The following TEX9 variants were observed in gnomAD, a reference collection of about 807,000 sequenced individuals.
TEX9 encodes the protein testis-expressed protein 9.
In TEX9, 74 loss-of-function variants were observed where a neutral mutation model predicts 59.6. That is an observed-to-expected ratio of 1.24 (90% confidence interval 1.03 to 1.51). The LOEUF is 1.51. TEX9 is among the 40% of genes most tolerant of loss of function. The probability of loss-of-function intolerance (pLI) is 0.00; values close to 1 mark genes in which losing one functional copy is unlikely to be tolerated. For synonymous variants in TEX9, 186 were observed against 152.2 expected, an observed-to-expected ratio of 1.22 and a Z score of -1.64; for missense variants, 522 against 447.8, an observed-to-expected ratio of 1.17 and a Z score of -1.49.
chr15:56,388,493 G>T, exon 5 of TEX9: 1 of 1,611,432 alleles, frequency 6.2e-7, no homozygotes. Context: ...CATCTGAAGG[G>T]ATAGTTCATC....
At chr15:56,334,779 A>G (rs1334735263) in intron 1 of TEX9, among the ~76,000 whole-genome samples, 3 of 152,322 alleles carry the variant, frequency 2.0e-5, no homozygotes, top group East Asian at 3.9e-4. Context: ...TAACCAGAAT[A>G]TATAAGGAGC....
chr15:56,402,717 T>C (rs550722326), intron 9 of TEX9, among the ~76,000 whole-genome samples: 145 of 152,264 alleles, frequency 9.5e-4, no homozygotes, highest in African/African-American at 3.4e-3. Context: ...TGATGAACAT[T>C]GATGCAAAAA....
intron 1 of TEX9, among the ~76,000 whole-genome samples, chr15:56,339,397 A>AAAC (rs1555434467): frequency 4.9e-5 from 3 of 61,024 alleles, no homozygotes; most frequent in Non-Finnish European, 1.4e-4. Context: ...AAAAAAAAAA[A>AAAC]AAAAAAAAAA....
At chr15:56,431,475 C>G in intron 12 of TEX9, 1 of 1,613,740 alleles carries the variant, frequency 6.2e-7, no homozygotes, top group Non-Finnish European at 8.5e-7. Flanking sequence ...TTTGCTGCAA[C>G]TGCCACTCTT....
Position 56,432,558 on chromosome 15 carries a change from G to A in TEX9, c.*29+4085G>A, listed in dbSNP as rs187468925. On this transcript the variant is annotated intron_variant, in intron 12 of 12. Coordinates refer to ENST00000352903, the Ensembl canonical transcript of TEX9. ...CCAATCAAACGGACAAAACTAAGCC[G>A]ACAGCTTCATATTGGGAACATTTAT... Among the ~76,000 whole-genome samples the A allele has an allele frequency of 1.6e-3, 237 of 152,212 alleles. 1 individual carries two copies. Among genetic ancestry groups the A allele is most frequent in the African/African-American group, 4.4e-3 (181 of 41,546 alleles).
intron 1 of TEX9, among the ~76,000 whole-genome samples, chr15:56,350,146 A>G (rs1185118154): frequency 1.3e-5 from 2 of 152,120 alleles, no homozygotes; most frequent in African/African-American, 2.4e-5. Flanking sequence ...TTATTTGTTT[A>G]TCTTTGTATC....
intron 1 of TEX9, among the ~76,000 whole-genome samples, chr15:56,299,861 G>T (rs997854540): frequency 2.0e-5 from 3 of 152,224 alleles, no homozygotes; most frequent in East Asian, 1.9e-4. Context: ...TGACTAAAGA[G>T]ACTCTGGGCC....
rs1288887835 is a variant in TEX9, at chr15:56,427,465, TG to T, written c.964-138del. On this transcript the variant is annotated intron_variant, in intron 10 of 12. Transcript: ENST00000352903. ...CTATCAAATTCCAGTAATTCGGTAA[TG>T]GAAAGCAATTTTTATCTACAAAAAT... is the stretch of plus-strand genomic sequence containing the variant. 3 of 496,016 alleles carry T rather than the reference TG, an allele frequency of 6.0e-6. No individual in the cohort carries two copies. The African/African-American group carries it at 6.1e-5, about 10-fold the overall frequency. The allele number at this position is 496,016 out of a possible 1,614,324, so 30.7% of individuals were successfully genotyped here. A position where few individuals can be genotyped will look rare whatever the true frequency, so the allele number is the denominator to read the frequency against.
Position 56,309,790 on chromosome 15 carries a change from G to A in TEX9, c.-106-63651G>A, listed in dbSNP as rs370832672. On this transcript the variant is annotated intron_variant, in intron 1 of 5. Transcript: ENST00000560827. Reference sequence around the variant, plus strand: ...AGAGAAAAGAGCTGAACTACATTCCGATTTGTGCAGAGGTGACTGGGCTGT... The same window carrying A: ...AGAGAAAAGAGCTGAACTACATTCCAATTTGTGCAGAGGTGACTGGGCTGT... Among the ~76,000 whole-genome samples, 358 of 131,534 alleles carry A rather than the reference G, an allele frequency of 2.7e-3. 2 individuals are homozygous for A. Among genetic ancestry groups the A allele is most frequent in the Non-Finnish European group, 5.0e-3 (320 of 64,418 alleles). 86.3% of individuals were successfully genotyped at this position (131,534 alleles called of 152,430 possible).
intron 12 of TEX9, among the ~76,000 whole-genome samples, chr15:56,439,092 G>C (rs1286469830): frequency 6.6e-6 from 1 of 152,098 alleles, no homozygotes; most frequent in Non-Finnish European, 1.5e-5. Context: ...ATTCAGCAAG[G>C]TTGTGAGATA....
chr15:56,429,212 G>T lies in TEX9; in HGVS notation c.*29+739G>T, dbSNP rs547066233. Reference sequence around the variant, plus strand: ...ATACTCCCTACGAGAAAAATACTTTGTGGGTTACTTTTGAATACCAGAATA... The same window carrying T: ...ATACTCCCTACGAGAAAAATACTTTTTGGGTTACTTTTGAATACCAGAATA... On this transcript the variant is annotated intron_variant, in intron 12 of 12. Coordinates refer to ENST00000352903, the Ensembl canonical transcript of TEX9. The T allele has an allele frequency of 4.7e-4, 705 of 1,507,792 alleles. 6 individuals carry two copies. In the African/African-American group the frequency reaches 8.9e-3, roughly 19 times the overall value. The allele number at this position is 1,507,792 out of a possible 1,614,324, so 93.4% of individuals were successfully genotyped here. A position where few individuals can be genotyped will look rare whatever the true frequency, so the allele number is the denominator to read the frequency against.
intron 12 of TEX9, among the ~76,000 whole-genome samples, chr15:56,438,332 C>CT (rs1177317562): frequency 3.5e-4 from 53 of 151,344 alleles, no homozygotes; most frequent in African/African-American, 3.4e-4. Context: ...ACCATCTGCT[C>CT]TTTTTTTTTG....
chr15:56,321,527 C>T (rs2045903113), intron 1 of TEX9, among the ~76,000 whole-genome samples: 2 of 151,976 alleles, frequency 1.3e-5, no homozygotes, highest in African/African-American at 2.4e-5. Context: ...AGTATTAAGG[C>T]CATTATATGA....
chr15:56,297,985 A>G (rs1385320247), intron 1 of TEX9, among the ~76,000 whole-genome samples: 6 of 152,212 alleles, frequency 3.9e-5, no homozygotes, highest in African/African-American at 7.2e-5. Context: ...TGAATACTGA[A>G]TGTGTGCTTA....
chr15:56,445,734 C>A (rs1242232525), exon 13 of TEX9: 2 of 152,006 alleles, frequency 1.3e-5, no homozygotes, highest in African/African-American at 4.8e-5. Context: ...TAGTCAAGTC[C>A]TAGTAGTATT....
At chr15:56,246,375 A>G (rs2043858068) in intron 1 of TEX9, among the ~76,000 whole-genome samples, 2 of 152,180 alleles carry the variant, frequency 1.3e-5, no homozygotes, top group Non-Finnish European at 2.9e-5. Flanking sequence ...CCTTTCAGGG[A>G]GGAAAGGGGC....
chr15:56,443,442 C>G (rs766151338), intron 12 of TEX9: 2 of 1,579,304 alleles, frequency 1.3e-6, no homozygotes, highest in African/African-American at 1.4e-5. Context: ...TTAGCTTGCT[C>G]TTATATATTT....
intron 12 of TEX9, chr15:56,428,561 A>G: frequency 1.5e-6 from 1 of 675,758 alleles, no homozygotes. Context: ...TGAAAGCAAA[A>G]TAATTTCAAA....
chr15:56,245,814 T>C (rs1271901410), intron 1 of TEX9, among the ~76,000 whole-genome samples: 1 of 152,204 alleles, frequency 6.6e-6, no homozygotes, highest in African/African-American at 2.4e-5. Flanking sequence ...TTCCAGAGCC[T>C]GCAAGCTATG....
Sources: allele counts gnomAD v4.1 joint callset (sites outside exome capture counted in the v4.1 genomes callset), GRCh38; gene constraint gnomAD v4.1.1; transcripts MANE v1.5; gene names NCBI Gene and HGNC (gene_info 2026-07-23, HGNC 2026-07-21).